Variants in B3GNT8 observed in about 807,000 individuals in gnomAD.
The protein encoded by B3GNT8 is UDP-GlcNAc:betaGal beta-1,3-N-acetylglucosaminyltransferase 8.
For missense variants in B3GNT8, 502 were observed against 530.5 expected (o/e 0.95, Z 0.53); for synonymous variants, 258 against 238.3 (o/e 1.08, Z -0.76).
rs758824482 is a variant in B3GNT8, at chr19:41,426,279, A to AT, written c.499_500insA (p.Val167AspfsTer24). ...AGCTGGACTGCCCCACGTCTCTCTCACGGCCTGTCGTTCTGCAAAGCGCCC... is the reference window on the plus strand; with the variant it reads ...AGCTGGACTGCCCCACGTCTCTCTCATCGGCCTGTCGTTCTGCAAAGCGCCC... On this transcript the variant is annotated frameshift_variant, in exon 2 of 2. Transcript: ENST00000691102. LOFTEE classifies it low-confidence loss of function (END_TRUNC). The surrounding 1 kb of genome is among the most constrained non-coding windows in gnomAD (Gnocchi z 4.9). 2.5e-6 allele frequency: 4 copies of AT among 1,613,374 alleles called. No homozygotes were observed. In the Admixed American group the frequency reaches 6.7e-5, roughly 27 times the overall value.
At chr19:41,428,312 C>T (rs1441647026), upstream of B3GNT8, among the ~76,000 whole-genome samples, 7 of 152,120 alleles carry the variant, frequency 4.6e-5, no homozygotes, top group Non-Finnish European at 7.4e-5. The surrounding 1 kb of genome is among the most constrained non-coding windows in gnomAD (Gnocchi z 6.1). Context: ...TCTCGGCACC[C>T]GGGCTGCCTG....
In B3GNT8 at chr19:41,426,094, G is replaced by A; in HGVS notation, c.685C>T (p.Leu229=). The change falls in exon 2 of 2, where the codon CTG becomes TTG. Residue 229 remains leucine, a synonymous_variant. Transcript: ENST00000691102. This position sits in a 1 kb window ranked among gnomAD's most constrained non-coding sequence, Gnocchi z 4.9. ...FNQTLKDLLL[L]AWLGRHCPTV... is the part of the protein sequence containing the mutation. ...GGGCAGTGGCGGCCCAGCCAGGCCA[G>A]CAGCAGCAGGTCTTTGAGCGTCTGG... is the stretch of plus-strand genomic sequence containing the variant. 1.9e-6 allele frequency: 3 copies of A among 1,613,076 alleles called. No individual in the cohort carries two copies. The highest frequency in any genetic ancestry group is 2.2e-5 in the East Asian group (1 of 44,860).
rs1200742268 is a variant in B3GNT8, at chr19:41,426,659, G to A, written c.120C>T (p.Gly40=). 1.2e-6 allele frequency: 2 copies of A among 1,613,650 alleles called. No individual in the cohort carries two copies. Among genetic ancestry groups the A allele is most frequent in the Non-Finnish European group, 1.7e-6 (2 of 1,179,882 alleles). The change falls in exon 2 of 2, where the codon GGC becomes GGT. Residue 40 remains glycine, a synonymous_variant. Transcript: ENST00000691102. This position sits in a 1 kb window ranked among gnomAD's most constrained non-coding sequence, Gnocchi z 4.9. ...RLSKAYPSPR[G]TPPSPTPANP... The stretch of plus-strand genomic sequence containing the variant: ...TGGCTGGCGTGGGGCTTGGCGGGGT[G>A]CCCCGAGGGCTGGGGTAGGCCTTGC...
rs2039446240 is a variant in B3GNT8, at chr19:41,427,163, A to G, written c.-33+121T>C. 1 of 250,128 alleles carries G rather than the reference A, an allele frequency of 4.0e-6. No homozygotes were observed. 15.5% of individuals were successfully genotyped at this position (250,128 alleles called of 1,614,324 possible). A position where few individuals can be genotyped will look rare whatever the true frequency, so the allele number is the denominator to read the frequency against. ...CTATCTCCTCCCTCTCCCTCCATTT[A>G]TTGCCCTCACCAGGAAATCAGGAGC... On this transcript the variant is annotated intron_variant, in intron 1 of 1. Transcript: ENST00000691102. This position sits in a 1 kb window ranked among gnomAD's most constrained non-coding sequence, Gnocchi z 5.6.
At position 41,426,675 on chromosome 19, in the gene B3GNT8, T is replaced by C; in HGVS notation, c.104A>G (p.Tyr35Cys). The C allele has an allele frequency of 1.9e-6, 3 of 1,613,386 alleles. No homozygotes were observed. Among genetic ancestry groups the C allele is most frequent in the Non-Finnish European group, 2.5e-6 (3 of 1,179,852 alleles). ...TGGCGGGGTGCCCCGAGGGCTGGGG[T>C]AGGCCTTGCTGAGCCGGGACTCGGA... is the stretch of plus-strand genomic sequence containing the variant. ...WTSESRLSKA[Y>C]PSPRGTPPSP... The change falls in exon 2 of 2, where the codon TAC becomes TGC. Residue 35 changes from tyrosine (Y) to cysteine (C), a missense_variant. Coordinates refer to ENST00000691102, the MANE Select transcript of B3GNT8 (RefSeq NM_001385648.2). This position sits in a 1 kb window ranked among gnomAD's most constrained non-coding sequence, Gnocchi z 4.9.
In B3GNT8 at chr19:41,426,144, C is replaced by T. The variant is rs773003430; in HGVS notation, c.635G>A (p.Trp212Ter). The change falls in exon 2 of 2, where the codon TGG (tryptophan) becomes TAG (stop). Residue 212 changes from tryptophan to a stop codon, truncating the protein, a stop_gained. Coordinates refer to ENST00000691102, the MANE Select transcript of B3GNT8 (RefSeq NM_001385648.2). LOFTEE classifies it low-confidence loss of function (END_TRUNC). This position sits in a 1 kb window ranked among gnomAD's most constrained non-coding sequence, Gnocchi z 4.9. The part of the protein sequence containing the change: ...ESRRYSDLLL[W>*]DFLDVPFNQT... ...GTTGAATGGGACGTCGAGGAAGTCC[C>T]AGAGCAGCAGGTCACTGTAGCGACG... 3.1e-6 allele frequency: 5 copies of T among 1,613,790 alleles called. No homozygotes were observed. The highest frequency in any genetic ancestry group is 3.4e-6 in the Non-Finnish European group (4 of 1,179,980).
At chr19:41,427,482 A>AGAGGGAGG (rs933882682), upstream of B3GNT8, 4 of 154,478 alleles carry the variant, frequency 2.6e-5, no homozygotes, top group South Asian at 1.9e-4. The surrounding 1 kb of genome is among the most constrained non-coding windows in gnomAD (Gnocchi z 5.6). Flanking sequence ...GAGGCAGGAG[A>AGAGGGAGG]GAGGGAGGGA....
In B3GNT8 at chr19:41,426,303, C is replaced by G. The variant is rs776532715; in HGVS notation, c.476G>C (p.Gly159Ala). 1.2e-6 allele frequency: 2 copies of G among 1,613,330 alleles called. No individual in the cohort carries two copies. The highest frequency in any genetic ancestry group is 1.7e-6 in the Non-Finnish European group (2 of 1,180,038). Reference sequence around the variant, plus strand: ...CACGGCCTGTCGTTCTGCAAAGCGCCCTGGTTCTGACTTGACGGCCAACAG... The same window carrying G: ...CACGGCCTGTCGTTCTGCAAAGCGCGCTGGTTCTGACTTGACGGCCAACAG... The part of the protein sequence containing the change: ...YLLLAVKSEP[G>A]RFAERQAVRE... Residue 159 changes from glycine (G) to alanine (A), a missense_variant, in exon 2 of 2, where the codon GGG (glycine) becomes GCG (alanine). Transcript: ENST00000691102. The surrounding 1 kb of genome is among the most constrained non-coding windows in gnomAD (Gnocchi z 4.9).
rs200360584 is a variant in B3GNT8 at position 41,425,564 on chromosome 19, C to G, written c.*21G>C. 1.3e-6 allele frequency: 2 copies of G among 1,482,854 alleles called. No homozygotes were observed. The highest frequency in any genetic ancestry group is 2.4e-5 in the East Asian group (1 of 42,438). 91.9% of individuals were successfully genotyped at this position (1,482,854 alleles called of 1,614,324 possible). A position where few individuals can be genotyped will look rare whatever the true frequency, so the allele number is the denominator to read the frequency against. On this transcript the variant is annotated 3_prime_UTR_variant, in exon 2 of 2. Transcript: ENST00000691102. ...CCAGAGGCCCAGGCCAGGTCAGCAC[C>G]TCCGCCCTCCCCAATGAGAGTCAGC...
chr19:41,425,428 T>TGCCCAG lies in B3GNT8; in HGVS notation c.*151_*156dup, dbSNP rs1371145050. ...AAACAGTCCACCACCCCATCTTTCC[T>TGCCCAG]GCCCAGGCCCCTGGCTGGGGGAGGC... On this transcript the variant is annotated 3_prime_UTR_variant, in exon 2 of 2. Transcript: ENST00000691102. The TGCCCAG allele has an allele frequency of 1.9e-6, 1 of 517,174 alleles. No individual in the cohort carries two copies. The highest frequency in any genetic ancestry group is 3.2e-6 in the Non-Finnish European group (1 of 314,188). 32.0% of individuals were successfully genotyped at this position (517,174 alleles called of 1,614,324 possible).
rs2039447635 is a variant in B3GNT8, at chr19:41,427,359, C to T, written c.-108G>A. 1 of 163,940 alleles carries T rather than the reference C, an allele frequency of 6.1e-6. No individual in the cohort carries two copies. Among genetic ancestry groups the T allele is most frequent in the South Asian group, 1.4e-4 (1 of 7,332 alleles). 10.2% of individuals were successfully genotyped at this position (163,940 alleles called of 1,614,324 possible). On this transcript the variant is annotated 5_prime_UTR_variant, in exon 1 of 2. Coordinates refer to ENST00000691102, the MANE Select transcript of B3GNT8 (RefSeq NM_001385648.2). This position sits in a 1 kb window ranked among gnomAD's most constrained non-coding sequence, Gnocchi z 5.6. ...CCCTCAGCTCCCTCTGATCTGCCTG[C>T]CCCAGCCCCTGTGTTGTCGACCGGC...
chr19:41,426,812 TACAAGGGAGCC>T lies in B3GNT8; in HGVS notation c.-32-13_-32-3del, dbSNP rs747952591. On this transcript the variant is annotated splice_region_variant and splice_polypyrimidine_tract_variant and intron_variant, in intron 1 of 1. Coordinates refer to ENST00000691102, the MANE Select transcript of B3GNT8 (RefSeq NM_001385648.2). The surrounding 1 kb of genome is among the most constrained non-coding windows in gnomAD (Gnocchi z 4.9). ...CCAGGGAAGGGGCGGCCGCGGGAGC[TACAAGGGAGCC>T]ACAGGGGAGCCACGGAGGCCATTGG... 5 of 1,599,544 alleles carry T rather than the reference TACAAGGGAGCC, an allele frequency of 3.1e-6. No homozygotes were observed. The highest frequency in any genetic ancestry group is 1.7e-4 in the Middle Eastern group (1 of 5,912).
Position 41,425,397 on chromosome 19 carries a change from A to T in B3GNT8, c.*188T>A. 1 of 425,124 alleles carries T rather than the reference A, an allele frequency of 2.4e-6. No individual in the cohort carries two copies. The highest frequency in any genetic ancestry group is 4.1e-6 in the Non-Finnish European group (1 of 243,988). 26.3% of individuals were successfully genotyped at this position (425,124 alleles called of 1,614,324 possible). ...TGCATGTTTTTCAAAAACAAAAAGT[A>T]GGCAAAAACAGTCCACCACCCCATC... On this transcript the variant is annotated 3_prime_UTR_variant, in exon 2 of 2. Coordinates refer to ENST00000691102, the MANE Select transcript of B3GNT8 (RefSeq NM_001385648.2).
Position 41,425,405 on chromosome 19 carries a change from A to C in B3GNT8, c.*180T>G. The C allele has an allele frequency of 4.5e-6, 2 of 442,992 alleles. No individual in the cohort carries two copies. Among genetic ancestry groups the C allele is most frequent in the Non-Finnish European group, 7.8e-6 (2 of 256,114 alleles). The allele number at this position is 442,992 out of a possible 1,614,324, so 27.4% of individuals were successfully genotyped here. On this transcript the variant is annotated 3_prime_UTR_variant, in exon 2 of 2. Coordinates refer to ENST00000691102, the MANE Select transcript of B3GNT8 (RefSeq NM_001385648.2). ...TTTCAAAAACAAAAAGTAGGCAAAA[A>C]CAGTCCACCACCCCATCTTTCCTGC... is the stretch of plus-strand genomic sequence containing the variant.
In B3GNT8 at chr19:41,426,867, CAG is replaced by C; in HGVS notation, c.-32-59_-32-58del. 1 of 1,334,648 alleles carries C rather than the reference CAG, an allele frequency of 7.5e-7. No homozygotes were observed. The highest frequency in any genetic ancestry group is 1.4e-5 in the African/African-American group (1 of 69,294). 82.7% of individuals were successfully genotyped at this position (1,334,648 alleles called of 1,614,324 possible). ...CCATTGGGGTGTGGGGATGGGCCTC[CAG>C]AGAGGGCCCAGCCAGGCCCCAGGCA... On this transcript the variant is annotated intron_variant, in intron 1 of 1. Transcript: ENST00000691102. The surrounding 1 kb of genome is among the most constrained non-coding windows in gnomAD (Gnocchi z 4.9).
At position 41,425,981 on chromosome 19, in the gene B3GNT8, G is replaced by A; in HGVS notation, c.798C>T (p.Ala266=). ...CACCCAGGTAGAGGCTTCGGGCCGAGGCAGGTGGCAGGGCCCGCAGGTGAG... is the reference window on the plus strand; with the variant it reads ...CACCCAGGTAGAGGCTTCGGGCCGAAGCAGGTGGCAGGGCCCGCAGGTGAG... ...LLAHLRALPP[A]SARSLYLGEV... The change falls in exon 2 of 2, where the codon GCC becomes GCT. Residue 266 remains alanine, a synonymous_variant. Transcript: ENST00000691102. 1 of 1,612,384 alleles carries A rather than the reference G, an allele frequency of 6.2e-7. No individual in the cohort carries two copies. The highest frequency in any genetic ancestry group is 8.5e-7 in the Non-Finnish European group (1 of 1,179,118).
rs61117695 is a variant in B3GNT8, at chr19:41,425,549, A to AGGCCAGGGCCGT, written c.*35_*36insACGGCCCTGGCC. 2 of 1,404,230 alleles carry AGGCCAGGGCCGT rather than the reference A, an allele frequency of 1.4e-6. No homozygotes were observed. The highest frequency in any genetic ancestry group is 5.0e-5 in the East Asian group (2 of 40,092). The allele number at this position is 1,404,230 out of a possible 1,614,324, so 87.0% of individuals were successfully genotyped here. On this transcript the variant is annotated 3_prime_UTR_variant, in exon 2 of 2. Coordinates refer to ENST00000691102, the MANE Select transcript of B3GNT8 (RefSeq NM_001385648.2). ...AGCCAGGGGCCGGCCCCAGAGGCCC[A>AGGCCAGGGCCGT]GGCCAGGTCAGCACCTCCGCCCTCC...
rs1268612322 is a variant in B3GNT8, at chr19:41,425,924, C to T, written c.855G>A (p.Lys285=). ...CGGGCACATAGAAGGGTCCTCCTGG[C>T]TTCCGGAGAGGCATGGCCTGGGTAA... ...EVFTQAMPLR[K]PGGPFYVPES... is the part of the protein sequence containing the mutation. Residue 285 remains lysine, a synonymous_variant, in exon 2 of 2, where the codon AAG becomes AAA. Coordinates refer to ENST00000691102, the MANE Select transcript of B3GNT8 (RefSeq NM_001385648.2). 1.2e-6 allele frequency: 2 copies of T among 1,613,158 alleles called. No individual in the cohort carries two copies. Among genetic ancestry groups the T allele is most frequent in the African/African-American group, 2.7e-5 (2 of 74,944 alleles).
In B3GNT8 at chr19:41,425,564, C is replaced by T. The variant is rs200360584; in HGVS notation, c.*21G>A. On this transcript the variant is annotated 3_prime_UTR_variant, in exon 2 of 2. Transcript: ENST00000691102. Reference sequence around the variant, plus strand: ...CCAGAGGCCCAGGCCAGGTCAGCACCTCCGCCCTCCCCAATGAGAGTCAGC... The same window carrying T: ...CCAGAGGCCCAGGCCAGGTCAGCACTTCCGCCCTCCCCAATGAGAGTCAGC... The T allele has an allele frequency of 1.0e-5, 15 of 1,482,854 alleles. No homozygotes were observed. The East Asian group carries it at 3.5e-4, about 35-fold the overall frequency. 91.9% of individuals were successfully genotyped at this position (1,482,854 alleles called of 1,614,324 possible). A position where few individuals can be genotyped will look rare whatever the true frequency, so the allele number is the denominator to read the frequency against.
Sources: gnomAD v4.1 joint callset for allele counts (sites outside exome capture counted in the v4.1 genomes callset) on GRCh38, gnomAD v4.1.1 for gene constraint, Gnocchi (gnomAD v3.1) non-coding constraint, MANE v1.5 for transcripts, NCBI Gene and HGNC (gene_info 2026-07-23, HGNC 2026-07-21) for gene names.